The following SH3RF3 variants were observed in gnomAD, a reference collection of about 807,000 sequenced individuals.
The protein encoded by SH3RF3 is SH3 domain containing ring finger 3, also known as E3 ubiquitin-protein ligase SH3RF3.
In SH3RF3, 29 loss-of-function variants were observed where a neutral mutation model predicts 66.3. That is an observed-to-expected ratio of 0.44 (90% CI 0.33 to 0.60). The LOEUF is 0.60. SH3RF3 is among the 20% of genes least tolerant of loss of function. The pLI is 0.04. For synonymous variants in SH3RF3, 583 were observed against 532.0 expected (o/e 1.10, Z -1.32); for missense variants, 1,194 against 1,190.9 (o/e 1.00, Z -0.04).
chr2:109,390,575 G>A (rs771547596), intron 3 of SH3RF3, among the ~76,000 whole-genome samples: 11 of 152,172 alleles, frequency 7.2e-5, no homozygotes, highest in African/African-American at 9.7e-5. Flanking sequence ...TCATTTCCCC[G>A]TGAGGACTAG....
At chr2:109,412,550 C>A (rs1007134850) in intron 4 of SH3RF3, among the ~76,000 whole-genome samples, 7 of 152,228 alleles carry the variant, frequency 4.6e-5, no homozygotes, top group Non-Finnish European at 1.0e-4. Flanking sequence ...TGCCTGGGAG[C>A]ACAGAACTGC....
intron 1 of SH3RF3, among the ~76,000 whole-genome samples, chr2:109,189,449 A>G (rs565070152): frequency 1.2e-3 from 189 of 151,346 alleles, no homozygotes; most frequent in Middle Eastern, 3.4e-3. Flanking sequence ...GCTCACTGCA[A>G]CCTCTGCCTC....
rs144956916 is a variant in SH3RF3 at position 109,286,737 on chromosome 2, G to A, written c.574-60937G>A. On this transcript the variant is annotated intron_variant, in intron 1 of 9. Transcript: ENST00000309415. ...ACCAGGATTCCCAGTACCTTTGGGA[G>A]TGTTGGGTTTCCCTACAGAGATGTG... Among the ~76,000 whole-genome samples the A allele has an allele frequency of 3.6e-3, 550 of 152,328 alleles. 2 individuals carry two copies. Among genetic ancestry groups the A allele is most frequent in the Middle Eastern group, 6.8e-3 (2 of 294 alleles).
intron 1 of SH3RF3, among the ~76,000 whole-genome samples, chr2:109,249,353 A>G (rs1338930936): frequency 6.6e-6 from 1 of 152,176 alleles, no homozygotes; most frequent in Non-Finnish European, 1.5e-5. Context: ...ATCCCCGAGC[A>G]AGTTGGTATT....
At chr2:109,193,234 G>A (rs1678413280) in intron 1 of SH3RF3, among the ~76,000 whole-genome samples, 1 of 152,210 alleles carries the variant, frequency 6.6e-6, no homozygotes, top group Admixed American at 6.5e-5. Context: ...GTGAGTGAGA[G>A]AGAAATAGGT....
At chr2:109,452,139 GC>G (rs1344974254) in intron 8 of SH3RF3, among the ~76,000 whole-genome samples, 1 of 152,220 alleles carries the variant, frequency 6.6e-6, no homozygotes, top group African/African-American at 2.4e-5. Context: ...GGCATTTACA[GC>G]TGCCATTTGC....
chr2:109,415,157 C>A (rs924478605), intron 4 of SH3RF3, among the ~76,000 whole-genome samples: 1 of 152,090 alleles, frequency 6.6e-6, no homozygotes, highest in East Asian at 1.9e-4. Flanking sequence ...GAATTGGAGT[C>A]TCCTCCAGAC....
intron 1 of SH3RF3, among the ~76,000 whole-genome samples, chr2:109,292,353 G>T (rs896358336): frequency 6.6e-6 from 1 of 152,144 alleles, no homozygotes; most frequent in East Asian, 1.9e-4. Flanking sequence ...TTCAAACATG[G>T]CTGGGATCAT....
chr2:109,428,442 C>G (rs10197129), intron 5 of SH3RF3, among the ~76,000 whole-genome samples: 8 of 152,206 alleles, frequency 5.3e-5, no homozygotes, highest in African/African-American at 1.9e-4. Context: ...CATGCCATGC[C>G]CAGCTGGGTC....
At chr2:109,285,296 C>T (rs1003222449) in intron 1 of SH3RF3, among the ~76,000 whole-genome samples, 2 of 152,350 alleles carry the variant, frequency 1.3e-5, no homozygotes, top group East Asian at 3.9e-4. Context: ...CTCCTCATAA[C>T]CTCCTGGGAA....
At chr2:109,164,983 C>A (rs1373621827) in intron 1 of SH3RF3, among the ~76,000 whole-genome samples, 2 of 152,316 alleles carry the variant, frequency 1.3e-5, no homozygotes, top group Middle Eastern at 3.4e-3. Flanking sequence ...AAAGCCTCTT[C>A]TTAGTCATCG....
intron 1 of SH3RF3, among the ~76,000 whole-genome samples, chr2:109,190,207 C>CT (rs922044814): frequency 1.3e-4 from 20 of 151,766 alleles, no homozygotes; most frequent in African/African-American, 4.8e-4. Flanking sequence ...GAGTCTCACT[C>CT]TTATTGCCCA....
At chr2:109,347,582 C>T (rs1574588558) in intron 1 of SH3RF3, 92 bp from the exon 2 acceptor site, 1 of 1,497,694 alleles carries the variant, frequency 6.7e-7, no homozygotes, top group South Asian at 1.3e-5. Flanking sequence ...ACACAGAAAG[C>T]CCCTGAGAAG....
At chr2:109,173,220 T>C (rs1677830321) in intron 1 of SH3RF3, among the ~76,000 whole-genome samples, 1 of 152,202 alleles carries the variant, frequency 6.6e-6, no homozygotes, top group African/African-American at 2.4e-5. Flanking sequence ...TAGAATTCTG[T>C]AATTATCAAG....
intron 4 of SH3RF3, among the ~76,000 whole-genome samples, chr2:109,402,046 C>G (rs1292156567): frequency 1.3e-5 from 2 of 152,224 alleles, no homozygotes; most frequent in Non-Finnish European, 1.5e-5. Context: ...TCTCCCTGTC[C>G]TGATTTAATC....
chr2:109,217,130 C>A (rs1218859605), intron 1 of SH3RF3, among the ~76,000 whole-genome samples: 1 of 152,176 alleles, frequency 6.6e-6, no homozygotes, highest in Admixed American at 6.5e-5. Context: ...AAGGCTAAAT[C>A]CTATTCCATC....
At chr2:109,408,507 G>A (rs4284863) in intron 4 of SH3RF3, among the ~76,000 whole-genome samples, 7,713 of 152,248 alleles carry the variant, frequency 0.051, 627 homozygotes, top group African/African-American at 0.17. Flanking sequence ...GAGAAAAACG[G>A]GGTCCCACAC....
intron 5 of SH3RF3, among the ~76,000 whole-genome samples, chr2:109,422,190 A>G (rs910252744): frequency 1.3e-5 from 2 of 152,224 alleles, no homozygotes; most frequent in African/African-American, 4.8e-5. Context: ...TGCAAAAACA[A>G]CCACAGCAAA....
At chr2:109,496,045 G>A (rs1278541540) in intron 9 of SH3RF3, among the ~76,000 whole-genome samples, 1 of 152,168 alleles carries the variant, frequency 6.6e-6, no homozygotes, top group African/African-American at 2.4e-5. Flanking sequence ...ACATGGAAGG[G>A]GACCCACCGG....
Sources: gnomAD v4.1 joint callset for allele counts (sites outside exome capture counted in the v4.1 genomes callset) on GRCh38, gnomAD v4.1.1 for gene constraint, MANE v1.5 for transcripts, NCBI Gene and HGNC (gene_info 2026-07-23, HGNC 2026-07-21) for gene names.